CNTNAP5: variants seen among roughly 807,000 people sequenced by gnomAD.
CNTNAP5 encodes contactin-associated protein-like 5.
Under a neutral mutation model 150.2 loss-of-function variants are expected in CNTNAP5, and 72 were observed. The ratio of observed to expected loss-of-function variants is 0.48; its 90% CI spans 0.40 to 0.58. CNTNAP5 has a LOEUF of 0.58. Ranked by LOEUF, CNTNAP5 falls within the 20% of genes least tolerant of loss-of-function variation. The probability of loss-of-function intolerance (pLI) is 0.00; values close to 1 mark genes in which losing one functional copy is unlikely to be tolerated. For missense variants in CNTNAP5, 1,636 were observed against 1,626.2 expected (o/e 1.01, Z -0.10); for synonymous variants, 672 against 619.8 (o/e 1.08, Z -1.25).
At chr2:124,064,398 T>A (rs1682100776) in intron 1 of CNTNAP5, among the ~76,000 whole-genome samples, 1 of 152,074 alleles carries the variant, frequency 6.6e-6, no homozygotes, top group Non-Finnish European at 1.5e-5. Flanking sequence ...ATTAGCCATG[T>A]CTAATCAATC....
intron 6 of CNTNAP5, among the ~76,000 whole-genome samples, chr2:124,461,484 A>G (rs966476241): frequency 3.6e-5 from 5 of 138,110 alleles, no homozygotes; most frequent in South Asian, 2.3e-4. Flanking sequence ...CAATGAGAAC[A>G]CACGAACACA....
chr2:124,801,700 A>G (rs992062435), intron 19 of CNTNAP5, among the ~76,000 whole-genome samples: 1 of 152,206 alleles, frequency 6.6e-6, no homozygotes, highest in Non-Finnish European at 1.5e-5. Context: ...AAGAATCGAT[A>G]TTCTTACAGC....
intron 3 of CNTNAP5, among the ~76,000 whole-genome samples, chr2:124,325,931 C>T (rs1689205411): frequency 6.6e-6 from 1 of 152,148 alleles, no homozygotes; most frequent in Non-Finnish European, 1.5e-5. Context: ...TGGCTCAGGG[C>T]TTTGTACAGG....
intron 3 of CNTNAP5, among the ~76,000 whole-genome samples, chr2:124,416,198 A>G (rs946970988): frequency 7.2e-5 from 11 of 152,170 alleles, no homozygotes; most frequent in African/African-American, 2.7e-4. Flanking sequence ...GGAACAAAGT[A>G]TTGAGAGTTG....
intron 7 of CNTNAP5, among the ~76,000 whole-genome samples, chr2:124,495,055 G>A (rs1350553916): frequency 1.3e-5 from 2 of 151,784 alleles, no homozygotes; most frequent in East Asian, 3.9e-4. Flanking sequence ...ATATTTATAT[G>A]GGTATATTTC....
chr2:124,456,345 G>A (rs1015502361), intron 6 of CNTNAP5, among the ~76,000 whole-genome samples: 12 of 152,072 alleles, frequency 7.9e-5, no homozygotes, highest in African/African-American at 2.9e-4. Flanking sequence ...AAAATACTTA[G>A]GAAGATACCT....
chr2:124,396,737 T>C (rs1241461614), intron 3 of CNTNAP5, among the ~76,000 whole-genome samples: 3 of 152,200 alleles, frequency 2.0e-5, no homozygotes, highest in Non-Finnish European at 2.9e-5. Flanking sequence ...AATTCACTGG[T>C]AATGTGAACT....
chr2:124,225,181 TAAC>T (rs1475876509), intron 2 of CNTNAP5, among the ~76,000 whole-genome samples: 1 of 152,246 alleles, frequency 6.6e-6, no homozygotes, highest in Admixed American at 6.5e-5. Flanking sequence ...CTAAAAATTA[TAAC>T]ACCACTATAT....
chr2:124,703,389 T>C lies in CNTNAP5; in HGVS notation c.2078-43840T>C, dbSNP rs146476130. On this transcript the variant is annotated intron_variant, in intron 13 of 23. Coordinates refer to ENST00000682447, the MANE Select transcript of CNTNAP5 (RefSeq NM_001367498.1). ...TATTGGCTAATATCTTCATGTCATA[T>C]ATTACAGGTCTATACTTGCTCAGCT... Among the ~76,000 whole-genome samples the C allele has an allele frequency of 3.0e-4, 45 of 152,312 alleles. No homozygotes were observed. The East Asian group carries it at 8.1e-3, about 27-fold the overall frequency.
At chr2:124,802,941 G>A (rs1019147393) in intron 19 of CNTNAP5, among the ~76,000 whole-genome samples, 1 of 151,844 alleles carries the variant, frequency 6.6e-6, no homozygotes, top group African/African-American at 2.4e-5. Flanking sequence ...TGGCTAACAC[G>A]GTGAAAACTC....
intron 16 of CNTNAP5, among the ~76,000 whole-genome samples, chr2:124,771,992 C>T (rs2104610270): frequency 6.6e-6 from 1 of 151,762 alleles, no homozygotes; most frequent in South Asian, 2.1e-4. Flanking sequence ...ATCATCACCA[C>T]CACCACCATC....
At chr2:124,112,369 T>C (rs535748177) in intron 1 of CNTNAP5, among the ~76,000 whole-genome samples, 19 of 152,168 alleles carry the variant, frequency 1.2e-4, no homozygotes, top group African/African-American at 4.3e-4. Context: ...TATTTTCATA[T>C]AAGAGATGTT....
At chr2:124,567,876 G>GATAT (rs1696066593) in intron 11 of CNTNAP5, among the ~76,000 whole-genome samples, 4 of 147,474 alleles carry the variant, frequency 2.7e-5, no homozygotes, top group Admixed American at 2.0e-4. Flanking sequence ...TAGATAGATA[G>GATAT]ATAGATATAG....
chr2:124,169,519 T>G (rs1249806283), intron 1 of CNTNAP5, among the ~76,000 whole-genome samples: 2 of 152,180 alleles, frequency 1.3e-5, no homozygotes, highest in Non-Finnish European at 2.9e-5. Context: ...ACATTTATTG[T>G]GAACTTTCAA....
chr2:124,330,543 C>T (rs888786328), intron 3 of CNTNAP5, among the ~76,000 whole-genome samples: 1 of 152,202 alleles, frequency 6.6e-6, no homozygotes, highest in Non-Finnish European at 1.5e-5. Context: ...ATAAATGGCT[C>T]TTCCTGCTTC....
chr2:124,448,909 G>T (rs1447980564), intron 6 of CNTNAP5, among the ~76,000 whole-genome samples: 1 of 152,100 alleles, frequency 6.6e-6, no homozygotes, highest in Non-Finnish European at 1.5e-5. Context: ...CTTACGTTTG[G>T]ATACACAGTC....
intron 13 of CNTNAP5, among the ~76,000 whole-genome samples, chr2:124,687,752 C>A (rs1433305242): frequency 6.6e-6 from 1 of 151,968 alleles, no homozygotes; most frequent in Non-Finnish European, 1.5e-5. Context: ...CAGGCAAAAA[C>A]CCTGATTTTA....
chr2:124,732,079 C>A (rs1179833145), intron 13 of CNTNAP5, among the ~76,000 whole-genome samples: 3 of 151,916 alleles, frequency 2.0e-5, no homozygotes, highest in African/African-American at 7.3e-5. Flanking sequence ...AAATGTATTA[C>A]AATGCAAAAT....
At chr2:124,674,509 C>CTCTTTCTT (rs768888927) in intron 13 of CNTNAP5, among the ~76,000 whole-genome samples, 10,444 of 114,728 alleles carry the variant, frequency 0.091, 621 homozygotes, top group East Asian at 0.13. Context: ...TTCTTTCTTT[C>CTCTTTCTT]TCTTTCTTTC....
Sources: allele counts gnomAD v4.1 joint callset (sites outside exome capture counted in the v4.1 genomes callset), GRCh38; gene constraint gnomAD v4.1.1; transcripts MANE v1.5; gene names NCBI Gene and HGNC (gene_info 2026-07-23, HGNC 2026-07-21).